The following CDH12 variants were observed in gnomAD, a reference collection of about 807,000 sequenced individuals.
CDH12 encodes the protein cadherin 12, also known as cadherin-12.
CDH12 carries 41 observed loss-of-function variants against 74.1 expected under a neutral mutation model. That is an observed-to-expected ratio of 0.55 (90% confidence interval 0.43 to 0.72). CDH12 has a LOEUF of 0.72. Ranked by LOEUF, CDH12 falls within the 30% of genes least tolerant of loss-of-function variation. The probability of loss-of-function intolerance (pLI) is 0.00; values close to 1 mark genes in which losing one functional copy is unlikely to be tolerated. For synonymous variants in CDH12, 399 were observed against 355.0 expected, an observed-to-expected ratio of 1.12 and a Z score of -1.39; for missense variants, 945 against 977.2, an observed-to-expected ratio of 0.97 and a Z score of 0.44.
intron 3 of CDH12, among the ~76,000 whole-genome samples, chr5:22,357,284 T>A (rs928524808): frequency 2.6e-5 from 4 of 152,092 alleles, no homozygotes; most frequent in African/African-American, 7.2e-5. Flanking sequence ...TATTTCTGAT[T>A]TCTAGTGTTT....
At chr5:22,452,742 A>G (rs1745093863) in intron 2 of CDH12, among the ~76,000 whole-genome samples, 1 of 151,734 alleles carries the variant, frequency 6.6e-6, no homozygotes, top group African/African-American at 2.4e-5. Flanking sequence ...CAAACTAAAA[A>G]CCTTCTGCAC....
At chr5:22,342,524 C>T (rs1739898434) in intron 3 of CDH12, among the ~76,000 whole-genome samples, 1 of 149,434 alleles carries the variant, frequency 6.7e-6, no homozygotes, top group Non-Finnish European at 1.5e-5. Flanking sequence ...TCCTTCCTCC[C>T]TTCCTTCCCT....
At chr5:22,686,027 T>G (rs747582602) in intron 1 of CDH12, among the ~76,000 whole-genome samples, 5 of 152,188 alleles carry the variant, frequency 3.3e-5, no homozygotes, top group Non-Finnish European at 7.4e-5. Flanking sequence ...ATATGAGGAC[T>G]CCACCTTTTT....
intron 1 of CDH12, among the ~76,000 whole-genome samples, chr5:22,674,600 C>T (rs752336089): frequency 1.3e-5 from 2 of 152,084 alleles, no homozygotes; most frequent in Non-Finnish European, 2.9e-5. Flanking sequence ...GAAGTTGGAA[C>T]AGTTTGGAGG....
At chr5:22,016,901 A>G (rs1737644967) in intron 5 of CDH12, among the ~76,000 whole-genome samples, 1 of 152,090 alleles carries the variant, frequency 6.6e-6, no homozygotes, top group South Asian at 2.1e-4. Flanking sequence ...TATTGAGACT[A>G]CATTTATTGA....
At chr5:21,856,016 A>G (rs576086767) in intron 6 of CDH12, among the ~76,000 whole-genome samples, 39 of 151,856 alleles carry the variant, frequency 2.6e-4, no homozygotes, top group African/African-American at 8.9e-4. Context: ...GGAAAAATAT[A>G]TTACAGCAGC....
chr5:22,768,066 A>C (rs1746613070), intron 1 of CDH12, among the ~76,000 whole-genome samples: 1 of 152,024 alleles, frequency 6.6e-6, no homozygotes, highest in Non-Finnish European at 1.5e-5. Context: ...TGGAATTATT[A>C]TCTAAGTATA....
intron 6 of CDH12, among the ~76,000 whole-genome samples, chr5:21,865,901 T>C (rs1266184815): frequency 1.3e-5 from 2 of 152,230 alleles, no homozygotes; most frequent in Non-Finnish European, 2.9e-5. Flanking sequence ...AAATCTCATT[T>C]TGAATTGTAG....
chr5:21,777,923 C>A (rs934654936), intron 11 of CDH12, among the ~76,000 whole-genome samples: 1 of 152,246 alleles, frequency 6.6e-6, no homozygotes, highest in African/African-American at 2.4e-5. Context: ...ATATGCACTA[C>A]CTCACATAGT....
intron 2 of CDH12, among the ~76,000 whole-genome samples, chr5:22,441,278 G>T (rs544838693): frequency 2.0e-5 from 3 of 152,282 alleles, no homozygotes; most frequent in Non-Finnish European, 4.4e-5. Context: ...GGAGGTAACT[G>T]ATAGCACAAG....
chr5:21,965,191 T>C (rs1445092177), intron 6 of CDH12, among the ~76,000 whole-genome samples: 1 of 152,086 alleles, frequency 6.6e-6, no homozygotes. Context: ...TAGAAGTGTA[T>C]ACTCTAATCT....
intron 2 of CDH12, among the ~76,000 whole-genome samples, chr5:22,475,741 A>G (rs1746139010): frequency 6.6e-6 from 1 of 152,074 alleles, no homozygotes; most frequent in Non-Finnish European, 1.5e-5. Context: ...ATCTTTAAAA[A>G]CATATATTAT....
chr5:22,374,526 C>T (rs1007706768), intron 3 of CDH12, among the ~76,000 whole-genome samples: 2 of 152,012 alleles, frequency 1.3e-5, no homozygotes, highest in African/African-American at 4.8e-5. Context: ...ATTATTCATC[C>T]TTGCTGGTGA....
At chr5:22,058,854 T>A (rs1047056353) in intron 5 of CDH12, among the ~76,000 whole-genome samples, 1 of 152,092 alleles carries the variant, frequency 6.6e-6, no homozygotes, top group Non-Finnish European at 1.5e-5. Flanking sequence ...TAACATATCA[T>A]CTTTGATCTC....
intron 4 of CDH12, among the ~76,000 whole-genome samples, chr5:22,178,635 TA>T (rs1749467036): frequency 6.6e-6 from 1 of 152,168 alleles, no homozygotes; most frequent in African/African-American, 2.4e-5. Context: ...CACCAATTCA[TA>T]CTCTTACCAA....
chr5:22,038,233 C>A (rs187411698), intron 5 of CDH12, among the ~76,000 whole-genome samples: 41 of 152,280 alleles, frequency 2.7e-4, no homozygotes, highest in African/African-American at 9.9e-4. Flanking sequence ...ACAGCAGAAC[C>A]ACCTCTGCCT....
chr5:22,663,075 A>T (rs1740432147), intron 1 of CDH12, among the ~76,000 whole-genome samples: 1 of 152,226 alleles, frequency 6.6e-6, no homozygotes, highest in African/African-American at 2.4e-5. Flanking sequence ...TAGCCAGAGA[A>T]ATTATAAATA....
intron 1 of CDH12, among the ~76,000 whole-genome samples, chr5:22,673,952 T>A (rs1483970681): frequency 6.6e-6 from 1 of 152,172 alleles, no homozygotes; most frequent in Non-Finnish European, 1.5e-5. Flanking sequence ...CCTTATGCAA[T>A]ACCAAGTCTG....
chr5:22,334,518 A>G (rs1311213613), intron 3 of CDH12, among the ~76,000 whole-genome samples: 4 of 152,308 alleles, frequency 2.6e-5, no homozygotes, highest in South Asian at 2.1e-4. Flanking sequence ...TAAAACTTAT[A>G]GGGAAATACA....
Sources: allele counts gnomAD v4.1 joint callset (sites outside exome capture counted in the v4.1 genomes callset), GRCh38; gene constraint gnomAD v4.1.1; transcripts MANE v1.5; gene names NCBI Gene and HGNC (gene_info 2026-07-23, HGNC 2026-07-21).